CDH18: variants seen among roughly 807,000 people sequenced by gnomAD.
CDH18 encodes the protein cadherin-18.
A neutral mutation model predicts 67.9 loss-of-function variants in CDH18; 31 were observed. The observed-to-expected ratio is 0.46, with a 90% CI of 0.34 to 0.62. The LOEUF (loss-of-function observed/expected upper bound fraction) is 0.62, where lower values mean the gene tolerates loss of function less well. Ranked by LOEUF, CDH18 falls within the 20% of genes least tolerant of loss-of-function variation. The pLI, the probability that CDH18 is intolerant of heterozygous loss-of-function variation, is 0.01. For missense variants in CDH18, 890 were observed against 975.5 expected (o/e 0.91, Z 1.17); for synonymous variants, 362 against 347.2 (o/e 1.04, Z -0.48).
intron 2 of CDH18, among the ~76,000 whole-genome samples, chr5:20,127,498 T>G (rs947178123): frequency 1.3e-5 from 2 of 151,934 alleles, no homozygotes; most frequent in Non-Finnish European, 1.5e-5. Flanking sequence ...CAATGAAATC[T>G]CATTCAGTCT....
rs547381750 is a variant in CDH18, at chr5:19,491,876, C to T, written c.1631-8324G>A. Among the ~76,000 whole-genome samples, 18 of 151,890 alleles carry T rather than the reference C, an allele frequency of 1.2e-4. No individual in the cohort carries two copies. In the South Asian group the frequency reaches 3.7e-3, roughly 32 times the overall value. ...CACCAACAAAGTAATAATGACACTC[C>T]AAGAAATCTTGTTTCATAGGATTAA... On this transcript the variant is annotated intron_variant, in intron 11 of 12. Transcript: ENST00000382275.
chr5:19,493,018 T>C (rs1741718955), intron 11 of CDH18, among the ~76,000 whole-genome samples: 1 of 152,182 alleles, frequency 6.6e-6, no homozygotes. Flanking sequence ...TCTAGATTTT[T>C]CCAACCAAGT....
At chr5:20,460,452 C>T (rs189731976) in intron 1 of CDH18, among the ~76,000 whole-genome samples, 2 of 150,262 alleles carry the variant, frequency 1.3e-5, no homozygotes, top group Non-Finnish European at 3.0e-5. Flanking sequence ...AAATATGTTG[C>T]GTGACTGAGG....
At chr5:20,196,358 A>G (rs1738979710) in intron 2 of CDH18, among the ~76,000 whole-genome samples, 1 of 152,192 alleles carries the variant, frequency 6.6e-6, no homozygotes. Context: ...TTTATTTTAC[A>G]AACAAGAAAC....
chr5:19,798,637 A>G (rs573304113), intron 3 of CDH18, among the ~76,000 whole-genome samples: 9 of 152,182 alleles, frequency 5.9e-5, no homozygotes, highest in African/African-American at 2.2e-4. Context: ...ATTTATCTCC[A>G]TGCTTTTAAC....
intron 8 of CDH18, among the ~76,000 whole-genome samples, chr5:19,571,369 A>G (rs1301412650): frequency 4.6e-5 from 7 of 152,216 alleles, no homozygotes; most frequent in Non-Finnish European, 8.8e-5. Context: ...GGTCAATAAG[A>G]CATTCATGGA....
intron 5 of CDH18, among the ~76,000 whole-genome samples, chr5:19,625,548 C>T (rs1751414518): frequency 6.6e-6 from 1 of 152,118 alleles, no homozygotes; most frequent in South Asian, 2.1e-4. Context: ...CTTCTTGGGG[C>T]AGTATGGGAT....
At chr5:20,419,462 GTTTTTTTTTTT>G (rs202130030) in intron 1 of CDH18, among the ~76,000 whole-genome samples, 5 of 75,660 alleles carry the variant, frequency 6.6e-5, no homozygotes, top group African/African-American at 6.1e-5. Flanking sequence ...ATGGGACTCT[GTTTTTTTTTTT>G]TTTTTTTTTT....
intron 4 of CDH18, among the ~76,000 whole-genome samples, chr5:19,746,083 CAT>C: frequency 6.6e-6 from 1 of 152,142 alleles, no homozygotes; most frequent in South Asian, 2.1e-4. Flanking sequence ...CTTAGAGTCT[CAT>C]AAAGATAGTC....
chr5:20,102,895 A>G (rs1488087751), intron 2 of CDH18, among the ~76,000 whole-genome samples: 1 of 152,196 alleles, frequency 6.6e-6, no homozygotes, highest in Non-Finnish European at 1.5e-5. Context: ...CTTCCTACAA[A>G]AAGTGTTAGT....
chr5:20,117,301 A>T lies in CDH18; in HGVS notation c.-517-125287T>A, dbSNP rs558068302. 2.2e-3 allele frequency among the ~76,000 whole-genome samples: 342 copies of T among 152,234 alleles called. 1 individual carries two copies. The highest frequency in any genetic ancestry group is 7.7e-3 in the African/African-American group (318 of 41,562). ...TCTGATTTGACCTCATTCTATACAA[A>T]TTTTTTGTATTGATAAACAAAGTAT... On this transcript the variant is annotated intron_variant, in intron 2 of 14. Transcript: ENST00000507958.
chr5:19,497,742 C>T (rs756223281), intron 11 of CDH18, among the ~76,000 whole-genome samples: 8 of 152,108 alleles, frequency 5.3e-5, no homozygotes, highest in Non-Finnish European at 1.2e-4. Flanking sequence ...ATAAACACTG[C>T]TAAAGTATTC....
intron 2 of CDH18, among the ~76,000 whole-genome samples, chr5:20,097,439 T>C (rs1746086588): frequency 6.6e-6 from 1 of 152,080 alleles, no homozygotes; most frequent in Non-Finnish European, 1.5e-5. Context: ...TCAGATCTCA[T>C]GAGACTTGTT....
At chr5:20,433,890 A>G (rs993761562) in intron 1 of CDH18, among the ~76,000 whole-genome samples, 2 of 152,144 alleles carry the variant, frequency 1.3e-5, no homozygotes, top group African/African-American at 4.8e-5. Flanking sequence ...AGAAACGTGT[A>G]TACTCTTGTA....
intron 2 of CDH18, among the ~76,000 whole-genome samples, chr5:20,239,239 G>C (rs1742705714): frequency 6.6e-6 from 1 of 152,254 alleles, no homozygotes; most frequent in Admixed American, 6.5e-5. Flanking sequence ...CAGATTGCCT[G>C]AGCTCAGGAG....
chr5:19,680,453 G>A (rs1760129166), intron 5 of CDH18, among the ~76,000 whole-genome samples: 1 of 151,950 alleles, frequency 6.6e-6, no homozygotes, highest in African/African-American at 2.4e-5. Flanking sequence ...AAGAACATCT[G>A]CACAGCAAAA....
intron 11 of CDH18, among the ~76,000 whole-genome samples, chr5:19,494,678 T>C (rs1238338491): frequency 6.6e-6 from 1 of 152,214 alleles, no homozygotes; most frequent in African/African-American, 2.4e-5. Context: ...CCCTGCCATG[T>C]CCTCTGATCT....
intron 1 of CDH18, among the ~76,000 whole-genome samples, chr5:20,342,003 C>G (rs994254517): frequency 1.1e-4 from 17 of 152,104 alleles, no homozygotes; most frequent in Admixed American, 5.9e-4. Context: ...GATTCTGTCT[C>G]CTCGCTTCAG....
Position 19,953,526 on chromosome 5 carries a change from T to C in CDH18, c.-257+27534A>G, listed in dbSNP as rs111293104. Among the ~76,000 whole-genome samples, 474 of 152,056 alleles carry C rather than the reference T, an allele frequency of 3.1e-3. 7 individuals carry two copies. The highest frequency in any genetic ancestry group is 9.2e-3 in the African/African-American group (381 of 41,518). ...TTATTGGTAGGCAGGAAAGTTCCAA[T>C]TAAATAAAGTAAAAAATAAAATGAT... On this transcript the variant is annotated intron_variant, in intron 2 of 12. Transcript: ENST00000382275.
Sources: allele counts gnomAD v4.1 joint callset (sites outside exome capture counted in the v4.1 genomes callset), GRCh38; gene constraint gnomAD v4.1.1; transcripts MANE v1.5; gene names NCBI Gene and HGNC (gene_info 2026-07-23, HGNC 2026-07-21).